The following LMO4 variants were observed in gnomAD, a reference collection of about 807,000 sequenced individuals.
LMO4 encodes the protein LIM domain transcription factor LMO4.
In LMO4, 3 loss-of-function variants were observed where a neutral mutation model predicts 18.5. The ratio of observed to expected loss-of-function variants is 0.16; its 90% confidence interval spans 0.07 to 0.42. LMO4 has a LOEUF of 0.42. LMO4 is among the 10% of genes least tolerant of loss of function. The pLI is 0.99. For missense variants in LMO4, 121 were observed against 219.9 expected, an observed-to-expected ratio of 0.55 and a Z score of 2.84; for synonymous variants, 100 against 88.1, an observed-to-expected ratio of 1.14 and a Z score of -0.76.
Position 87,336,152 on chromosome 1 carries a change from G to A in LMO4, c.237-3384G>A, listed in dbSNP as rs557042175. Among the ~76,000 whole-genome samples, 360 of 152,094 alleles carry A rather than the reference G, an allele frequency of 2.4e-3. 4 individuals carry two copies. The highest frequency in any genetic ancestry group is 8.3e-3 in the African/African-American group (346 of 41,476). The stretch of plus-strand genomic sequence containing the variant: ...GGACTTGGCTCCAGGCATAATTTCT[G>A]GGTTGCATTTCTTTGTTACATTTAA... On this transcript the variant is annotated intron_variant, in intron 2 of 4. Coordinates refer to ENST00000370544, the MANE Select transcript of LMO4 (RefSeq NM_006769.4).
At chr1:87,331,270 A>C (rs1297218200) in intron 1 of LMO4, 1 of 152,192 alleles carries the variant, frequency 6.6e-6, no homozygotes, top group Non-Finnish European at 1.5e-5. Context: ...GATTTGGAAC[A>C]ATAATGGGAG....
chr1:87,338,030 C>T (rs1393855359), intron 2 of LMO4, among the ~76,000 whole-genome samples: 1 of 152,214 alleles, frequency 6.6e-6, no homozygotes, highest in African/African-American at 2.4e-5. Flanking sequence ...ATCGATGCTG[C>T]TGCAAAATTT....
intron 2 of LMO4, 68 bp from the exon 3 acceptor site, chr1:87,339,468 G>A: frequency 9.3e-7 from 1 of 1,075,070 alleles, no homozygotes; most frequent in Non-Finnish European, 1.4e-6. Flanking sequence ...AGAGTCTGGG[G>A]GTGTTTTTCT....
chr1:87,335,871 G>GAA lies in LMO4; in HGVS notation c.236+3633_236+3634dup, dbSNP rs781402794. ...ACAGGAGCATGTGAACTATTAGCTA[G>GAA]AAAAAAAAAAAAAACAGGATCTCAA... On this transcript the variant is annotated intron_variant, in intron 2 of 4. Transcript: ENST00000370544. 9.4e-3 allele frequency among the ~76,000 whole-genome samples: 1,214 copies of GAA among 129,818 alleles called. 31 individuals carry two copies. The highest frequency in any genetic ancestry group is 0.031 in the African/African-American group (1,095 of 35,810). 85.2% of individuals were successfully genotyped at this position (129,818 alleles called of 152,430 possible). A position where few individuals can be genotyped will look rare whatever the true frequency, so the allele number is the denominator to read the frequency against.
At chr1:87,335,380 C>G (rs973890766) in intron 2 of LMO4, among the ~76,000 whole-genome samples, 1 of 151,958 alleles carries the variant, frequency 6.6e-6, no homozygotes, top group Admixed American at 6.6e-5. Context: ...CCCTCGCTCC[C>G]TAGGCGGCCA....
intron 2 of LMO4, among the ~76,000 whole-genome samples, chr1:87,335,912 C>G (rs1190323039): frequency 6.6e-6 from 1 of 150,948 alleles, no homozygotes; most frequent in Non-Finnish European, 1.5e-5. Context: ...AATTAAATCG[C>G]ATGCAATTTA....
In LMO4 at chr1:87,339,524, T is replaced by C. The variant is rs765445423; in HGVS notation, c.237-12T>C. 3.1e-6 allele frequency: 5 copies of C among 1,602,702 alleles called. No individual in the cohort carries two copies. The African/African-American group carries it at 4.0e-5, about 13-fold the overall frequency. ...ATTATTCACTGGTGTCAACCGTTAT[T>C]CTTTGTTTCAGGTTATTTGGAAATA... is the stretch of plus-strand genomic sequence containing the variant. On this transcript the variant is annotated splice_polypyrimidine_tract_variant and intron_variant, in intron 2 of 4. Coordinates refer to ENST00000370544, the MANE Select transcript of LMO4 (RefSeq NM_006769.4).
At chr1:87,343,546 T>C (rs572711140) in intron 4 of LMO4, among the ~76,000 whole-genome samples, 4 of 152,338 alleles carry the variant, frequency 2.6e-5, no homozygotes, top group Admixed American at 1.3e-4. Flanking sequence ...TTTTCAGTTT[T>C]CAGTGGAACA....
In LMO4 at chr1:87,332,019, G is replaced by T; in HGVS notation, c.4G>T (p.Val2Leu). Residue 2 changes from valine (V) to leucine (L), a missense_variant, in exon 2 of 5, where the codon GTG becomes TTG. Val to Leu is a conservative substitution (Grantham distance 32, BLOSUM62 1). Around this residue, in one of 4 missense-constraint regions of LMO4, gnomAD observed 51 missense variants for 56.8 expected, o/e 0.90. Transcript: ENST00000370544. M[V>L]NPGSSSQPPP... is the part of the protein sequence containing the mutation. ...CCCTTCCCGCCCTCTGCAGACCATG[G>T]TGAATCCGGGCAGCAGCTCGCAGCC... 2 of 1,611,808 alleles carry T rather than the reference G, an allele frequency of 1.2e-6. No homozygotes were observed. Among genetic ancestry groups the T allele is most frequent in the Non-Finnish European group, 1.7e-6 (2 of 1,179,618 alleles).
At chr1:87,335,166 C>T (rs914411026) in intron 2 of LMO4, among the ~76,000 whole-genome samples, 3 of 152,206 alleles carry the variant, frequency 2.0e-5, no homozygotes, top group Non-Finnish European at 4.4e-5. Context: ...CTCCCGACCC[C>T]TCAGCTCCAC....
At chr1:87,338,755 C>G (rs1650385913) in intron 2 of LMO4, among the ~76,000 whole-genome samples, 1 of 152,150 alleles carries the variant, frequency 6.6e-6, no homozygotes, top group African/African-American at 2.4e-5. Context: ...AGTGATACAG[C>G]AAACACCCAG....
chr1:87,334,428 G>T (rs1650240507), intron 2 of LMO4, among the ~76,000 whole-genome samples: 1 of 152,154 alleles, frequency 6.6e-6, no homozygotes, highest in Admixed American at 6.5e-5. Flanking sequence ...TCCAAAGGGT[G>T]GGAAGGTGCA....
At position 87,332,107 on chromosome 1, in the gene LMO4, C is replaced by T. The variant is rs1273223357; in HGVS notation, c.92C>T (p.Ala31Val). The T allele has an allele frequency of 1.2e-6, 2 of 1,614,092 alleles. No homozygotes were observed. The highest frequency in any genetic ancestry group is 8.5e-7 in the Non-Finnish European group (1 of 1,180,034). ...TGCGCAGGCTGCGGGGGCAAGATTG[C>T]GGACCGCTTTCTGCTCTATGCCATG... ...KRCAGCGGKI[A>V]DRFLLYAMDS... The change falls in exon 2 of 5, where the codon GCG (alanine) becomes GTG (valine). Residue 31 changes from alanine (A) to valine (V), a missense_variant. By Grantham distance (64) the Ala-to-Val change is moderately conservative (BLOSUM62 0). This residue lies in a region of LMO4 where 51 missense variants were observed against 56.8 expected (regional missense o/e 0.90). Coordinates refer to ENST00000370544, the MANE Select transcript of LMO4 (RefSeq NM_006769.4).
In LMO4 at chr1:87,348,046, A is replaced by C. The variant is rs1650684900; in HGVS notation, c.*3250A>C. On this transcript the variant is annotated 3_prime_UTR_variant, in exon 5 of 5. Coordinates refer to ENST00000370544, the MANE Select transcript of LMO4 (RefSeq NM_006769.4). Reference sequence around the variant, plus strand: ...ACACTGATATTTGAAACAACTAATCATCTAAAAGGAAGCTCTTAAAGGGCT... The same window carrying C: ...ACACTGATATTTGAAACAACTAATCCTCTAAAAGGAAGCTCTTAAAGGGCT... 1 of 152,212 alleles carries C rather than the reference A, an allele frequency of 6.6e-6. No homozygotes were observed. Among genetic ancestry groups the C allele is most frequent in the Admixed American group, 6.5e-5 (1 of 15,284 alleles). 9.4% of individuals were successfully genotyped at this position (152,212 alleles called of 1,614,324 possible). A position where few individuals can be genotyped will look rare whatever the true frequency, so the allele number is the denominator to read the frequency against.
Position 87,345,856 on chromosome 1 carries a change from G to T in LMO4, c.*1060G>T, listed in dbSNP as rs188381212. 52 of 152,220 alleles carry T rather than the reference G, an allele frequency of 3.4e-4. No homozygotes were observed. The highest frequency in any genetic ancestry group is 1.3e-3 in the African/African-American group (52 of 41,536). The allele number at this position is 152,220 out of a possible 1,614,324, so 9.4% of individuals were successfully genotyped here. ...TCGTTACACTTCTATATCACAGTAA[G>T]TCTTTTGTGTTTATAAATACTTGAG... On this transcript the variant is annotated 3_prime_UTR_variant, in exon 5 of 5. Transcript: ENST00000370544.
At chr1:87,342,302 C>CCTGCT (rs1307314482) in intron 4 of LMO4, among the ~76,000 whole-genome samples, 1 of 152,152 alleles carries the variant, frequency 6.6e-6, no homozygotes, top group Non-Finnish European at 1.5e-5. Context: ...GGATTTCATA[C>CCTGCT]CATCTTTTAT....
chr1:87,344,609 T>G (rs1650578502), intron 4 of LMO4, among the ~76,000 whole-genome samples, 179 bp from the exon 5 acceptor site: 1 of 152,242 alleles, frequency 6.6e-6, no homozygotes, highest in Non-Finnish European at 1.5e-5. Context: ...GAAAATGTTA[T>G]GCTTTAGTTC....
chr1:87,334,163 C>T (rs1351097563), intron 2 of LMO4, among the ~76,000 whole-genome samples: 5 of 152,124 alleles, frequency 3.3e-5, no homozygotes, highest in African/African-American at 1.2e-4. Flanking sequence ...CAGCCCTGAG[C>T]CTTAATTAAT....
chr1:87,340,862 T>A (rs1242766093), intron 4 of LMO4, among the ~76,000 whole-genome samples: 1 of 152,202 alleles, frequency 6.6e-6, no homozygotes, highest in Non-Finnish European at 1.5e-5. Flanking sequence ...GATCCACAAC[T>A]TGAAAATCCT....
Sources: allele counts gnomAD v4.1 joint callset (sites outside exome capture counted in the v4.1 genomes callset), GRCh38; gene constraint gnomAD v4.1.1; regional missense constraint gnomAD v4.1.1; transcripts MANE v1.5; gene names NCBI Gene and HGNC (gene_info 2026-07-23, HGNC 2026-07-21).